The following TAF1B variants were observed in gnomAD, a reference collection of about 807,000 sequenced individuals.
TAF1B encodes TATA-box binding protein associated factor, RNA polymerase I subunit B.
In TAF1B, 61 loss-of-function variants were observed where a neutral mutation model predicts 83.9. The ratio of observed to expected loss-of-function variants is 0.73; its 90% CI spans 0.59 to 0.90. TAF1B has a LOEUF of 0.90. Among genes scored for constraint, TAF1B ranks in the 40% least tolerant of loss-of-function variants. The probability of loss-of-function intolerance (pLI) is 0.00; values close to 1 mark genes in which losing one functional copy is unlikely to be tolerated. For synonymous variants in TAF1B, 221 were observed against 224.6 expected, an observed-to-expected ratio of 0.98 and a Z score of 0.14; for missense variants, 625 against 677.0, an observed-to-expected ratio of 0.92 and a Z score of 0.85.
intron 6 of TAF1B, among the ~76,000 whole-genome samples, chr2:9,869,952 A>G (rs1365846451): frequency 6.6e-6 from 1 of 152,192 alleles, no homozygotes; most frequent in African/African-American, 2.4e-5. Flanking sequence ...TAAAATCACC[A>G]GTTACTGTAC....
chr2:9,860,978 T>C (rs569627661), intron 5 of TAF1B, among the ~76,000 whole-genome samples: 2 of 152,302 alleles, frequency 1.3e-5, no homozygotes, highest in South Asian at 2.1e-4. Context: ...GGAGCCAAGA[T>C]GGCCAAATAG....
In TAF1B at chr2:9,868,216, C is replaced by CAGAA. The variant is rs1158341812; in HGVS notation, c.400-58_400-55dup. The CAGAA allele has an allele frequency of 7.8e-6, 12 of 1,531,648 alleles. No homozygotes were observed. The East Asian group carries it at 2.4e-4, about 31-fold the overall frequency. The allele number at this position is 1,531,648 out of a possible 1,614,324, so 94.9% of individuals were successfully genotyped here. ...TTGTGATAGGAGTTGTTTAAGTTCACAGAAATTAACTGTTTAAAACTGTTA... is the reference window on the plus strand; with the variant it reads ...TTGTGATAGGAGTTGTTTAAGTTCACAGAAAGAAATTAACTGTTTAAAACTGTTA... On this transcript the variant is annotated intron_variant, in intron 5 of 14. Coordinates refer to ENST00000263663, the MANE Select transcript of TAF1B (RefSeq NM_005680.3).
chr2:9,858,945 C>T (rs1663658512), intron 5 of TAF1B, among the ~76,000 whole-genome samples: 1 of 152,200 alleles, frequency 6.6e-6, no homozygotes, highest in African/African-American at 2.4e-5. Context: ...GAGACATTTT[C>T]CCCATTGTCT....
chr2:9,861,152 C>T (rs897190674), intron 5 of TAF1B, among the ~76,000 whole-genome samples: 31 of 152,350 alleles, frequency 2.0e-4, no homozygotes, highest in Non-Finnish European at 3.5e-4. Context: ...GGCGAGGCAT[C>T]GCCTCACCCG....
At chr2:9,848,553 C>G (rs969853657) in intron 2 of TAF1B, among the ~76,000 whole-genome samples, 2 of 152,144 alleles carry the variant, frequency 1.3e-5, no homozygotes, top group African/African-American at 4.8e-5. Flanking sequence ...TTAATCCCAG[C>G]TGCTCAGGAG....
intron 14 of TAF1B, among the ~76,000 whole-genome samples, chr2:9,924,433 A>G (rs1665975318): frequency 1.3e-5 from 2 of 152,204 alleles, no homozygotes; most frequent in Non-Finnish European, 2.9e-5. Context: ...CCCTTTGACA[A>G]CAATAGGGGA....
Position 9,896,995 on chromosome 2 carries a change from G to A in TAF1B, c.808-7864G>A, listed in dbSNP as rs117265384. Among the ~76,000 whole-genome samples the A allele has an allele frequency of 1.8e-4, 28 of 152,246 alleles. No homozygotes were observed. In the East Asian group the frequency reaches 5.4e-3, roughly 29 times the overall value. ...CATTTCATTTACTTAAATTAATTTG[G>A]AGATAACCCTCTTCTCCTTTTTCTG... is the stretch of plus-strand genomic sequence containing the variant. On this transcript the variant is annotated intron_variant, in intron 8 of 14. Transcript: ENST00000263663.
At position 9,851,562 on chromosome 2, in the gene TAF1B, T is replaced by C; in HGVS notation, c.227T>C (p.Val76Ala). ...NNTEKGWDWYVCEGFQYILYQ... is the reference protein window; with the variant it reads ...NNTEKGWDWYACEGFQYILYQ... Reference sequence around the variant, plus strand: ...TTAGAAAAAGGCTGGGATTGGTATGTGTGTGAAGGTTTCCAGTATATTCTT... The same window carrying C: ...TTAGAAAAAGGCTGGGATTGGTATGCGTGTGAAGGTTTCCAGTATATTCTT... Residue 76 changes from valine to alanine, a missense_variant, in exon 4 of 15, where the codon GTG becomes GCG. Physicochemically the swap from Val to Ala is moderately conservative, Grantham distance 64. Coordinates refer to ENST00000263663, the MANE Select transcript of TAF1B (RefSeq NM_005680.3). The C allele has an allele frequency of 6.2e-7, 1 of 1,608,966 alleles. No homozygotes were observed. Among genetic ancestry groups the C allele is most frequent in the Non-Finnish European group, 8.5e-7 (1 of 1,178,424 alleles).
At chr2:9,866,192 C>G (rs1295805320) in intron 5 of TAF1B, among the ~76,000 whole-genome samples, 1 of 151,786 alleles carries the variant, frequency 6.6e-6, no homozygotes, top group African/African-American at 2.4e-5. Flanking sequence ...ACTCATCTGA[C>G]AAAGGGCTAA....
chr2:9,886,418 A>T (rs1487324190), intron 8 of TAF1B, among the ~76,000 whole-genome samples: 1 of 152,172 alleles, frequency 6.6e-6, no homozygotes, highest in East Asian at 1.9e-4. Context: ...CTTGTTTCTC[A>T]TGGTGGTATT....
chr2:9,904,876 G>A lies in TAF1B; in HGVS notation c.825G>A (p.Glu275=), dbSNP rs1402206574. 6.8e-6 allele frequency: 11 copies of A among 1,610,524 alleles called. No individual in the cohort carries two copies. Among genetic ancestry groups the A allele is most frequent in the African/African-American group, 2.7e-5 (2 of 74,804 alleles). Residue 275 remains glutamate, a synonymous_variant, in exon 9 of 15, where the codon GAG becomes GAA. Transcript: ENST00000263663. ...TATTTCAGTCTTGGCCTGACTACGA[G>A]GACATCTACAAAAAAACAGTAGAAG... The part of the protein sequence containing the change: ...IFGIESWPDY[E]DIYKKTVEVG...
intron 5 of TAF1B, 90 bp from the exon 6 acceptor site, chr2:9,868,186 G>A: frequency 1.5e-6 from 2 of 1,370,460 alleles, no homozygotes; most frequent in Non-Finnish European, 2.0e-6. Flanking sequence ...TTTCTTTTAG[G>A]GTGTTTGTGA....
At chr2:9,905,624 T>C (rs74754713) in intron 9 of TAF1B, among the ~76,000 whole-genome samples, 2,057 of 152,338 alleles carry the variant, frequency 0.014, 45 homozygotes, top group African/African-American at 0.046. Flanking sequence ...CTGAATTTCT[T>C]GTTAGACTAG....
intron 4 of TAF1B, chr2:9,851,996 G>T (rs1490616538): frequency 2.1e-6 from 1 of 481,366 alleles, no homozygotes; most frequent in Non-Finnish European, 4.3e-6. Context: ...TTCACAATTT[G>T]AGAACAAAAT....
At chr2:9,881,946 A>G (rs1451110700) in intron 7 of TAF1B, among the ~76,000 whole-genome samples, 1 of 152,136 alleles carries the variant, frequency 6.6e-6, no homozygotes, top group Non-Finnish European at 1.5e-5. Context: ...AAGGGTAGAC[A>G]AGGGAGGTAG....
intron 14 of TAF1B, among the ~76,000 whole-genome samples, chr2:9,920,583 G>GGGGT (rs201416220): frequency 2.5e-5 from 3 of 119,858 alleles, no homozygotes; most frequent in Non-Finnish European, 5.0e-5. Context: ...CTGGGGCGGG[G>GGGGT]GGCGGGGGGT....
chr2:9,845,637 T>C (rs1366138043), intron 2 of TAF1B: 2 of 266,406 alleles, frequency 7.5e-6, no homozygotes, highest in African/African-American at 4.5e-5. Flanking sequence ...TATTTACATT[T>C]TTTTAAATGT....
At chr2:9,876,790 T>C (rs1288454491) in intron 7 of TAF1B, among the ~76,000 whole-genome samples, 1 of 152,212 alleles carries the variant, frequency 6.6e-6, no homozygotes, top group Non-Finnish European at 1.5e-5. Flanking sequence ...GTTTCTTCGT[T>C]GGTAAAATGG....
chr2:9,905,679 A>G (rs1365322563), intron 9 of TAF1B, among the ~76,000 whole-genome samples: 1 of 148,900 alleles, frequency 6.7e-6, no homozygotes, highest in Non-Finnish European at 1.5e-5. Context: ...GAAAATACAA[A>G]CGTGGTGTGA....
Sources: allele counts gnomAD v4.1 joint callset (sites outside exome capture counted in the v4.1 genomes callset), GRCh38; gene constraint gnomAD v4.1.1; transcripts MANE v1.5; gene names NCBI Gene and HGNC (gene_info 2026-07-23, HGNC 2026-07-21).